The following STPG2 variants were observed in gnomAD, a reference collection of about 807,000 sequenced individuals.
STPG2 encodes the protein sperm tail PG-rich repeat containing 2.
A neutral mutation model predicts 54.2 loss-of-function variants in STPG2; 56 were observed. That is an observed-to-expected ratio of 1.03 (90% CI 0.83 to 1.29). STPG2 has a LOEUF of 1.29. STPG2 is among the 50% of genes most tolerant of loss of function. The pLI is 0.00. For synonymous variants in STPG2, 200 were observed against 181.8 expected (o/e 1.10, Z -0.81); for missense variants, 596 against 544.9 (o/e 1.09, Z -0.93).
At chr4:97,772,542 C>A (rs1377775899) in intron 9 of STPG2, among the ~76,000 whole-genome samples, 3 of 151,994 alleles carry the variant, frequency 2.0e-5, no homozygotes, top group Non-Finnish European at 4.4e-5. Context: ...AATCAAAAAA[C>A]AGTATTTGTA....
intron 4 of STPG2, among the ~76,000 whole-genome samples, chr4:97,465,655 C>T (rs1729770445): frequency 6.6e-6 from 1 of 152,004 alleles, no homozygotes; most frequent in Non-Finnish European, 1.5e-5. Context: ...AAAATGGCAT[C>T]ATATGAGCAT....
At chr4:98,043,318 C>T (rs1490290181) in intron 5 of STPG2, among the ~76,000 whole-genome samples, 2 of 152,000 alleles carry the variant, frequency 1.3e-5, no homozygotes, top group African/African-American at 2.4e-5. Flanking sequence ...GAGCTTATTT[C>T]ATATACATCT....
At chr4:97,468,962 A>G (rs1407911439) in intron 4 of STPG2, among the ~76,000 whole-genome samples, 1 of 152,106 alleles carries the variant, frequency 6.6e-6, no homozygotes, top group African/African-American at 2.4e-5. Flanking sequence ...TATAAAAACT[A>G]CAACAGAACC....
chr4:98,119,907 C>T (rs1343618649), intron 3 of STPG2, among the ~76,000 whole-genome samples: 2 of 152,138 alleles, frequency 1.3e-5, no homozygotes, highest in Admixed American at 1.3e-4. Flanking sequence ...CTGCAAAGGA[C>T]ATGACATTGT....
At chr4:97,859,891 T>C (rs527870536) in intron 8 of STPG2, among the ~76,000 whole-genome samples, 14 of 152,338 alleles carry the variant, frequency 9.2e-5, no homozygotes, top group African/African-American at 2.9e-4. Context: ...CATCTTGACT[T>C]TATTTTTGTA....
chr4:97,467,545 G>A (rs894006489), intron 4 of STPG2, among the ~76,000 whole-genome samples: 36 of 151,782 alleles, frequency 2.4e-4, no homozygotes, highest in African/African-American at 8.5e-4. Context: ...CAGTATTCAT[G>A]TTATATGAAC....
intron 10 of STPG2, among the ~76,000 whole-genome samples, chr4:97,706,238 C>T (rs1022370805): frequency 1.3e-5 from 2 of 152,094 alleles, no homozygotes; most frequent in Admixed American, 6.6e-5. Flanking sequence ...CACCCCTCTG[C>T]GAGTAGCTTG....
In STPG2 at chr4:97,518,246, C is replaced by G. The variant is rs190993147; in HGVS notation, c.462+194453G>C. Among the ~76,000 whole-genome samples, 17 of 152,102 alleles carry G rather than the reference C, an allele frequency of 1.1e-4. No individual in the cohort carries two copies. The East Asian group carries it at 3.1e-3, about 28-fold the overall frequency. On this transcript the variant is annotated intron_variant, in intron 4 of 4. Coordinates refer to the STPG2 transcript ENST00000522676. ...CAAGGTGACAAAGAGTATGTAAATA[C>G]TCAAGTATTCCTGAAGCATTCATTT... is the stretch of plus-strand genomic sequence containing the variant.
At chr4:97,904,692 G>C (rs988306176) in intron 8 of STPG2, among the ~76,000 whole-genome samples, 7 of 152,194 alleles carry the variant, frequency 4.6e-5, no homozygotes, top group Non-Finnish European at 4.4e-5. Flanking sequence ...CAAAGGCAAA[G>C]AAGTTGAAAA....
chr4:97,670,084 CT>C (rs1368604769), intron 10 of STPG2, among the ~76,000 whole-genome samples: 1 of 151,826 alleles, frequency 6.6e-6, no homozygotes, highest in Admixed American at 6.6e-5. Context: ...AAAAAAAACC[CT>C]ATCCAAGAAA....
chr4:98,057,180 A>G (rs564810517), intron 5 of STPG2, among the ~76,000 whole-genome samples: 14 of 152,324 alleles, frequency 9.2e-5, no homozygotes, highest in African/African-American at 2.9e-4. Flanking sequence ...CCTCTCCAGC[A>G]AGGATTCAGA....
chr4:97,999,478 A>G (rs1735344611), intron 5 of STPG2, among the ~76,000 whole-genome samples: 1 of 152,016 alleles, frequency 6.6e-6, no homozygotes, highest in South Asian at 2.1e-4. Flanking sequence ...CGAGGTGGGC[A>G]GATCATTTGA....
chr4:97,880,261 T>A (rs1730322424), intron 8 of STPG2, among the ~76,000 whole-genome samples: 1 of 152,170 alleles, frequency 6.6e-6, no homozygotes, highest in Non-Finnish European at 1.5e-5. Context: ...CCTTTACATT[T>A]TGTTTCAATG....
intron 10 of STPG2, among the ~76,000 whole-genome samples, chr4:97,617,030 G>A (rs535028632): frequency 2.4e-4 from 37 of 152,102 alleles, no homozygotes; most frequent in South Asian, 2.1e-4. Flanking sequence ...AGTTTATAAA[G>A]CTAACTAACC....
chr4:98,082,574 C>T (rs966289962), intron 5 of STPG2, among the ~76,000 whole-genome samples: 1 of 148,592 alleles, frequency 6.7e-6, no homozygotes, highest in Non-Finnish European at 1.5e-5. Flanking sequence ...GCCTCAGCTC[C>T]CCGAGTAGCT....
At chr4:97,906,218 T>A (rs999648819) in intron 8 of STPG2, among the ~76,000 whole-genome samples, 1 of 152,216 alleles carries the variant, frequency 6.6e-6, no homozygotes. Context: ...CAAACTACTA[T>A]CAGAGAATAC....
chr4:97,551,051 G>A (rs1357985014), intron 4 of STPG2, among the ~76,000 whole-genome samples: 1 of 151,566 alleles, frequency 6.6e-6, no homozygotes, highest in African/African-American at 2.4e-5. Flanking sequence ...CAGGTGGCCA[G>A]CTTTTATTCC....
At chr4:97,606,253 A>G (rs1004001855) in intron 10 of STPG2, among the ~76,000 whole-genome samples, 3 of 151,908 alleles carry the variant, frequency 2.0e-5, no homozygotes, top group Non-Finnish European at 4.4e-5. Flanking sequence ...TTCTAAATAA[A>G]GACTCTGTTA....
At chr4:97,445,444 G>A (rs1729198085) in intron 4 of STPG2, among the ~76,000 whole-genome samples, 1 of 152,018 alleles carries the variant, frequency 6.6e-6, no homozygotes, top group Non-Finnish European at 1.5e-5. Context: ...CACATAAGAA[G>A]TAAAAATAAA....
Sources: gnomAD v4.1 joint callset for allele counts (sites outside exome capture counted in the v4.1 genomes callset) on GRCh38, gnomAD v4.1.1 for gene constraint, MANE v1.5 for transcripts, NCBI Gene and HGNC (gene_info 2026-07-23, HGNC 2026-07-21) for gene names.